Variants in CPVL observed in about 807,000 individuals in gnomAD.
The protein encoded by CPVL is probable serine carboxypeptidase CPVL.
CPVL carries 51 observed loss-of-function variants against 63.7 expected under a neutral mutation model. The ratio of observed to expected loss-of-function variants is 0.80; its 90% CI spans 0.64 to 1.01. CPVL has a LOEUF of 1.01. Among genes scored for constraint, CPVL ranks in the 50% least tolerant of loss-of-function variants. CPVL has a pLI of 0.00. For synonymous variants in CPVL, 195 were observed against 206.0 expected (o/e 0.95, Z 0.46); for missense variants, 530 against 573.1 (o/e 0.92, Z 0.77).
chr7:29,092,300 T>C (rs562724209), intron 6 of CPVL, among the ~76,000 whole-genome samples: 19 of 151,798 alleles, frequency 1.3e-4, no homozygotes, highest in African/African-American at 4.6e-4. Flanking sequence ...AGTAAAAAAT[T>C]GCATCCAAAA....
intron 11 of CPVL, among the ~76,000 whole-genome samples, chr7:29,037,956 T>G (rs141951867): frequency 7.2e-5 from 11 of 152,300 alleles, no homozygotes; most frequent in African/African-American, 2.6e-4. Context: ...GCAAATAGGA[T>G]ACCAAACCTA....
chr7:29,042,276 C>T (rs1789180265), intron 11 of CPVL, among the ~76,000 whole-genome samples: 1 of 152,030 alleles, frequency 6.6e-6, no homozygotes, highest in South Asian at 2.1e-4. Flanking sequence ...CTCTCTGCTC[C>T]CCAACATTAC....
intron 12 of CPVL, among the ~76,000 whole-genome samples, chr7:29,023,073 C>T (rs1214160592): frequency 6.6e-6 from 1 of 152,224 alleles, no homozygotes; most frequent in Non-Finnish European, 1.5e-5. Context: ...CTACTGCTAT[C>T]GCCATTGGTG....
Position 29,009,453 on chromosome 7 carries a change from A to G in CPVL, c.1321-13571T>C, listed in dbSNP as rs575331371. 6 of 152,316 alleles carry G rather than the reference A, an allele frequency of 3.9e-5. No individual in the cohort carries two copies. The South Asian group carries it at 1.2e-3, about 32-fold the overall frequency. 9.4% of individuals were successfully genotyped at this position (152,316 alleles called of 1,614,324 possible). On this transcript the variant is annotated intron_variant, in intron 12 of 12. Coordinates refer to ENST00000265394, the MANE Select transcript of CPVL (RefSeq NM_031311.5). ...CAAGGAGATATGTGCAAAAATGTCCATAGCAGCACTATCTGTAGAAGCAAA... is the reference window on the plus strand; with the variant it reads ...CAAGGAGATATGTGCAAAAATGTCCGTAGCAGCACTATCTGTAGAAGCAAA...
chr7:29,036,995 T>G (rs1475033353), intron 11 of CPVL, among the ~76,000 whole-genome samples: 2 of 152,198 alleles, frequency 1.3e-5, no homozygotes, highest in Non-Finnish European at 2.9e-5. Context: ...TAAGTGCTCT[T>G]CCACATTGCC....
intron 11 of CPVL, among the ~76,000 whole-genome samples, chr7:29,056,952 T>TC (rs1433675580): frequency 1.0e-4 from 15 of 144,784 alleles, no homozygotes; most frequent in African/African-American, 3.3e-4. Context: ...TCCTTTTCTT[T>TC]TTTTTTTTTT....
intron 11 of CPVL, among the ~76,000 whole-genome samples, chr7:29,037,327 A>G (rs1254375203): frequency 6.6e-6 from 1 of 151,760 alleles, no homozygotes; most frequent in Non-Finnish European, 1.5e-5. Context: ...GGCGGATCAC[A>G]AGGTCAGGAG....
chr7:29,002,289 G>A (rs531489089), intron 12 of CPVL, among the ~76,000 whole-genome samples: 1 of 152,140 alleles, frequency 6.6e-6, no homozygotes, highest in Non-Finnish European at 1.5e-5. Flanking sequence ...TCAGATCCGT[G>A]AAAGACAATG....
chr7:29,016,919 T>C (rs1315327751), intron 12 of CPVL, among the ~76,000 whole-genome samples: 1 of 152,224 alleles, frequency 6.6e-6, no homozygotes, highest in Non-Finnish European at 1.5e-5. Flanking sequence ...CTTCTTCCAA[T>C]AAAGCTCCTT....
chr7:29,051,281 C>T (rs191938565), intron 11 of CPVL, among the ~76,000 whole-genome samples: 51 of 152,226 alleles, frequency 3.4e-4, no homozygotes, highest in African/African-American at 1.2e-3. Flanking sequence ...AGCTTTTGCA[C>T]GGCAAAAGGA....
intron 2 of CPVL, among the ~76,000 whole-genome samples, chr7:29,115,641 CAA>C (rs11342685): frequency 4.3e-4 from 62 of 144,134 alleles, no homozygotes; most frequent in African/African-American, 8.7e-4. Context: ...CCCTGCCTCC[CAA>C]AAAAAAAAAG....
chr7:29,096,896 A>G (rs1786465848), intron 3 of CPVL, among the ~76,000 whole-genome samples: 2 of 149,428 alleles, frequency 1.3e-5, no homozygotes, highest in African/African-American at 5.0e-5. Context: ...GAGACAGGAG[A>G]CTCGCTCAAA....
intron 7 of CPVL, among the ~76,000 whole-genome samples, chr7:29,083,140 G>C (rs1368342046): frequency 6.6e-6 from 1 of 151,330 alleles, no homozygotes; most frequent in Non-Finnish European, 1.5e-5. Flanking sequence ...CTTCCAAATA[G>C]CTTATAAAGA....
chr7:29,157,490 A>G (rs1308264027), intron 5 of CPVL, among the ~76,000 whole-genome samples: 1 of 152,230 alleles, frequency 6.6e-6, no homozygotes, highest in Non-Finnish European at 1.5e-5. Context: ...GCTTATTCAC[A>G]GTCTCTTTCA....
At chr7:29,059,089 AT>A (rs1335372442) in intron 11 of CPVL, among the ~76,000 whole-genome samples, 4 of 152,018 alleles carry the variant, frequency 2.6e-5, no homozygotes, top group Admixed American at 1.3e-4. Flanking sequence ...TTCAAAAAAA[AT>A]TTTTTTAAGT....
chr7:29,088,418 G>A (rs1023287126), intron 6 of CPVL, among the ~76,000 whole-genome samples: 4 of 151,830 alleles, frequency 2.6e-5, no homozygotes, highest in South Asian at 4.2e-4. Flanking sequence ...AGTTATCATC[G>A]AGTTTCAATT....
At chr7:29,070,821 T>C (rs981393695) in intron 9 of CPVL, among the ~76,000 whole-genome samples, 2 of 152,238 alleles carry the variant, frequency 1.3e-5, no homozygotes, top group Admixed American at 1.3e-4. Context: ...TAACTTTGTA[T>C]TATCCTCTAC....
At chr7:29,073,394 A>G (rs1479363143) in intron 7 of CPVL, among the ~76,000 whole-genome samples, 1 of 151,762 alleles carries the variant, frequency 6.6e-6, no homozygotes, top group East Asian at 1.9e-4. Context: ...ACTGCAGTAG[A>G]CTCCTCATTG....
chr7:29,012,145 TATA>T (rs1318501355), intron 12 of CPVL: 3 of 151,916 alleles, frequency 2.0e-5, no homozygotes, highest in East Asian at 1.9e-4. Context: ...TGAGCTTACT[TATA>T]ATAAGACTTC....
Sources: gnomAD v4.1 joint callset for allele counts (sites outside exome capture counted in the v4.1 genomes callset) on GRCh38, gnomAD v4.1.1 for gene constraint, MANE v1.5 for transcripts, NCBI Gene and HGNC (gene_info 2026-07-23, HGNC 2026-07-21) for gene names.